Variants in ZEB2 observed in about 807,000 individuals in gnomAD.
ZEB2 encodes zinc finger E-box-binding homeobox 2.
ZEB2 carries 6 observed loss-of-function variants against 99.9 expected under a neutral mutation model. The observed-to-expected ratio is 0.06, with a 90% confidence interval of 0.03 to 0.12. ZEB2 has a LOEUF of 0.12. Ranked by LOEUF, ZEB2 falls within the 10% of genes least tolerant of loss-of-function variation. The pLI, the probability that ZEB2 is intolerant of heterozygous loss-of-function variation, is 1.00. For missense variants in ZEB2, 969 were observed against 1,502.8 expected (o/e 0.64, Z 5.87); for synonymous variants, 517 against 542.5 (o/e 0.95, Z 0.65).
At chr2:144,465,529 T>A (rs550579473) in intron 2 of ZEB2, among the ~76,000 whole-genome samples, 69 of 152,270 alleles carry the variant, frequency 4.5e-4, no homozygotes, top group African/African-American at 1.4e-3. Context: ...AATCATATAC[T>A]CTGTATTTGT....
At chr2:144,486,975 T>C (rs1424599746) in intron 2 of ZEB2, among the ~76,000 whole-genome samples, 1 of 152,200 alleles carries the variant, frequency 6.6e-6, no homozygotes, top group Admixed American at 6.5e-5. Context: ...TATTAAATGT[T>C]AGGAAGCTCA....
At chr2:144,498,171 G>A (rs1235538099) in intron 2 of ZEB2, among the ~76,000 whole-genome samples, 2 of 118,628 alleles carry the variant, frequency 1.7e-5, no homozygotes, top group Non-Finnish European at 3.3e-5. Context: ...AACATTGGTG[G>A]CATCTCACAA....
chr2:144,396,897 A>G (rs1008118542), intron 8 of ZEB2, among the ~76,000 whole-genome samples: 1 of 152,212 alleles, frequency 6.6e-6, no homozygotes, highest in African/African-American at 2.4e-5. Flanking sequence ...CCTTTATACC[A>G]AGAAATACCC....
At position 144,429,872 on chromosome 2, in the gene ZEB2, T is replaced by A. The variant is rs1351431658; in HGVS notation, c.228A>T (p.Gln76His). ...PNHESSPHVS[Q>H]ALLPREEEED... is the part of the protein sequence containing the mutation. ...CCTCTTCCTCTCTTGGCAACAGAGC[T>A]TGGCTCACGTGTGGGGAGGACTCAT... is the stretch of plus-strand genomic sequence containing the variant. The change falls in exon 3 of 10, where the codon CAA becomes CAT. Residue 76 changes from glutamine (Q) to histidine (H), a missense_variant. Gln to His is a conservative substitution (Grantham distance 24). Around this residue, in one of 8 missense-constraint regions of ZEB2, gnomAD observed 173 missense variants for 217.7 expected, o/e 0.79. Transcript: ENST00000627532. 7.4e-6 allele frequency: 12 copies of A among 1,613,866 alleles called. No homozygotes were observed. The highest frequency in any genetic ancestry group is 9.3e-6 in the Non-Finnish European group (11 of 1,179,882).
chr2:144,414,292 C>G (rs759870548), intron 4 of ZEB2, among the ~76,000 whole-genome samples: 5 of 152,198 alleles, frequency 3.3e-5, no homozygotes, highest in Non-Finnish European at 7.3e-5. Context: ...ATGAACAGGA[C>G]TGGCTATATG....
rs1426614055 is a variant in ZEB2, at chr2:144,399,205, G to C, written c.1982C>G (p.Ala661Gly). 6.2e-7 allele frequency: 1 copy of C among 1,614,162 alleles called. No individual in the cohort carries two copies. Among genetic ancestry groups the C allele is most frequent in the Admixed American group, 1.7e-5 (1 of 60,024 alleles). ...PYKDHMSVLK[A>G]YYAMNMEPNS... ...GGGCTCCATGTTCATAGCATAGTAT[G>C]CTTTGAGTACAGACATGTGGTCCTT... Residue 661 changes from alanine (A) to glycine (G), a missense_variant, in exon 8 of 10, where the codon GCA becomes GGA. Physicochemically the swap from Ala to Gly is moderately conservative, Grantham distance 60 (BLOSUM62 0). Around this residue, in one of 8 missense-constraint regions of ZEB2, gnomAD observed 346 missense variants for 460.0 expected, o/e 0.75. Coordinates refer to ENST00000627532, the MANE Select transcript of ZEB2 (RefSeq NM_014795.4). The surrounding 1 kb of genome is among the most constrained non-coding windows in gnomAD (Gnocchi z 5.6).
intron 5 of ZEB2, among the ~76,000 whole-genome samples, chr2:144,404,524 G>A (rs1271445987): frequency 6.6e-6 from 1 of 151,964 alleles, no homozygotes; most frequent in East Asian, 1.9e-4. Flanking sequence ...AGGTGAGGGA[G>A]TGTCGGTCTC....
chr2:144,392,023 A>T (rs964168216), intron 9 of ZEB2, among the ~76,000 whole-genome samples: 4 of 152,236 alleles, frequency 2.6e-5, no homozygotes, highest in African/African-American at 7.2e-5. Flanking sequence ...ATGTTAGATC[A>T]TGTTATTCTT....
At chr2:144,502,688 C>T (rs187295674) in intron 2 of ZEB2, among the ~76,000 whole-genome samples, 3 of 152,152 alleles carry the variant, frequency 2.0e-5, no homozygotes, top group African/African-American at 7.2e-5. Flanking sequence ...ACACATTCAA[C>T]GGGACGCTGG....
intron 2 of ZEB2, among the ~76,000 whole-genome samples, chr2:144,455,524 T>C (rs1302260180): frequency 6.6e-6 from 1 of 152,200 alleles, no homozygotes; most frequent in Non-Finnish European, 1.5e-5. Flanking sequence ...TTTGGAAGCT[T>C]CAATTAAAAT....
intron 2 of ZEB2, among the ~76,000 whole-genome samples, chr2:144,446,895 A>T (rs1414136322): frequency 1.3e-5 from 2 of 151,954 alleles, no homozygotes; most frequent in Non-Finnish European, 2.9e-5. Context: ...CTGCACCTGT[A>T]GTCCCAACTA....
At chr2:144,436,731 T>C (rs1355251181) in intron 2 of ZEB2, among the ~76,000 whole-genome samples, 2 of 152,192 alleles carry the variant, frequency 1.3e-5, no homozygotes, top group Non-Finnish European at 2.9e-5. Context: ...ACATCTTAGA[T>C]ATGTAATTTT....
chr2:144,435,653 C>T (rs1396702645), intron 2 of ZEB2, among the ~76,000 whole-genome samples: 1 of 151,394 alleles, frequency 6.6e-6, no homozygotes, highest in Non-Finnish European at 1.5e-5. Context: ...ATTTGGTTTC[C>T]TAAATCTCTT....
rs780278815 is a variant in ZEB2 at position 144,401,203 on chromosome 2, G to A, written c.912C>T (p.His304=). 7 of 1,613,926 alleles carry A rather than the reference G, an allele frequency of 4.3e-6. No homozygotes were observed. The highest frequency in any genetic ancestry group is 2.2e-5 in the South Asian group (2 of 91,076). Residue 304 remains histidine (H), a synonymous_variant, in exon 7 of 10, where the codon CAC becomes CAT. Coordinates refer to ENST00000627532, the MANE Select transcript of ZEB2 (RefSeq NM_014795.4). ...TCCAGCACCTCTGCTACTCACCACT[G>A]TGAATTCGCAGGTGTTCTTTCAGAT... ...KHHLKEHLRI[H]SGEKPYECPN...
chr2:144,507,356 A>G (rs1205335560), intron 2 of ZEB2: 5 of 152,238 alleles, frequency 3.3e-5, no homozygotes, highest in Non-Finnish European at 5.9e-5. Context: ...AGCGTTAAAA[A>G]GAAAGAAAGA....
chr2:144,476,155 T>A (rs986416235), intron 2 of ZEB2, among the ~76,000 whole-genome samples: 4 of 152,210 alleles, frequency 2.6e-5, no homozygotes, highest in Non-Finnish European at 5.9e-5. Context: ...CTTATCTTTT[T>A]TTTTTCTTGC....
intron 2 of ZEB2, among the ~76,000 whole-genome samples, chr2:144,477,389 G>A (rs1237681903): frequency 6.6e-6 from 1 of 152,056 alleles, no homozygotes; most frequent in Non-Finnish European, 1.5e-5. Context: ...ATTTTTATTG[G>A]TTTCTGCATA....
rs572214712 is a variant in ZEB2, at chr2:144,387,177, C to T, written c.*2274G>A. Reference sequence around the variant, plus strand: ...AATAAATATAAATATGTTGTTCTTGCCAACTGGAAATATCATACTCAAAAT... The same window carrying T: ...AATAAATATAAATATGTTGTTCTTGTCAACTGGAAATATCATACTCAAAAT... On this transcript the variant is annotated 3_prime_UTR_variant, in exon 10 of 10. Transcript: ENST00000627532. The T allele has an allele frequency of 2.6e-5, 4 of 151,526 alleles. No homozygotes were observed. In the East Asian group the frequency reaches 7.8e-4, roughly 29 times the overall value. The allele number at this position is 151,526 out of a possible 1,614,324, so 9.4% of individuals were successfully genotyped here.
intron 4 of ZEB2, among the ~76,000 whole-genome samples, chr2:144,411,870 T>G (rs533751888): frequency 7.9e-5 from 12 of 152,322 alleles, no homozygotes; most frequent in African/African-American, 2.9e-4. Context: ...GCAGGAGATC[T>G]TACATTAGGG....
Sources: allele counts gnomAD v4.1 joint callset (sites outside exome capture counted in the v4.1 genomes callset), GRCh38; gene constraint gnomAD v4.1.1; regional missense constraint gnomAD v4.1.1; non-coding constraint Gnocchi (gnomAD v3.1); transcripts MANE v1.5; gene names NCBI Gene and HGNC (gene_info 2026-07-23, HGNC 2026-07-21).